BIRC6: variants seen among roughly 807,000 people sequenced by gnomAD.
The protein encoded by BIRC6 is baculoviral IAP repeat containing 6.
Under a neutral mutation model 503.3 loss-of-function variants are expected in BIRC6, and 98 were observed. The observed-to-expected ratio is 0.19, with a 90% CI of 0.17 to 0.23. BIRC6 has a LOEUF of 0.23. Among genes scored for constraint, BIRC6 ranks in the 10% least tolerant of loss-of-function variants. The pLI, the probability that BIRC6 is intolerant of heterozygous loss-of-function variation, is 1.00. For missense variants in BIRC6, 5,360 were observed against 5,806.0 expected (o/e 0.92, Z 2.50); for synonymous variants, 2,240 against 2,078.7 (o/e 1.08, Z -2.11).
chr2:32,527,290 T>C (rs968878632), intron 59 of BIRC6: 2 of 152,240 alleles, frequency 1.3e-5, no homozygotes, highest in African/African-American at 4.8e-5. Context: ...GACTGGATGA[T>C]GTAGGAGTTT....
At chr2:32,426,009 A>G (rs1369314430) in intron 10 of BIRC6, among the ~76,000 whole-genome samples, 1 of 152,162 alleles carries the variant, frequency 6.6e-6, no homozygotes, top group Non-Finnish European at 1.5e-5. Context: ...TTTATTGTAG[A>G]TATCCTGTTA....
chr2:32,507,809 C>A (rs1388287871), intron 50 of BIRC6, among the ~76,000 whole-genome samples, 171 bp from the exon 51 acceptor site: 20 of 152,130 alleles, frequency 1.3e-4, no homozygotes, highest in Admixed American at 1.3e-3. Context: ...ATAGCTCCAA[C>A]ATTAATTATG....
At chr2:32,438,175 A>G (rs1482812316) in intron 15 of BIRC6, among the ~76,000 whole-genome samples, 3 of 152,352 alleles carry the variant, frequency 2.0e-5, no homozygotes, top group South Asian at 4.1e-4. Context: ...ATATACTAAG[A>G]TATTTTTTTC....
At chr2:32,420,787 C>G (rs1204291690) in intron 10 of BIRC6, among the ~76,000 whole-genome samples, 1 of 152,136 alleles carries the variant, frequency 6.6e-6, no homozygotes, top group East Asian at 1.9e-4. Context: ...GCTGGGATTA[C>G]AGGTGTGAGC....
In BIRC6 at chr2:32,415,575, C is replaced by G; in HGVS notation, c.2284C>G (p.Gln762Glu). The G allele has an allele frequency of 6.2e-7, 1 of 1,613,890 alleles. No homozygotes were observed. Among genetic ancestry groups the G allele is most frequent in the Non-Finnish European group, 8.5e-7 (1 of 1,179,852 alleles). Reference protein sequence around the residue: ...CPVESLSAINQVEALNNLNKL... With the variant: ...CPVESLSAINEVEALNNLNKL... ...TGTTGAATCCTTGAGTGCAATAAAT[C>G]AAGTAGAGGCCTTGAATAATTTAAA... The change falls in exon 10 of 74, where the codon CAA (glutamine) becomes GAA (glutamate). Residue 762 changes from glutamine to glutamate, a missense_variant. Gln to Glu is a conservative substitution (Grantham distance 29, BLOSUM62 2). Around this residue, in one of 16 missense-constraint regions of BIRC6, gnomAD observed 700 missense variants for 739.3 expected, o/e 0.95. Coordinates refer to ENST00000421745, the MANE Select transcript of BIRC6 (RefSeq NM_016252.4).
intron 9 of BIRC6, among the ~76,000 whole-genome samples, chr2:32,411,972 GT>G (rs1489251392): frequency 2.0e-5 from 3 of 151,980 alleles, no homozygotes; most frequent in Non-Finnish European, 2.9e-5. Context: ...TGGAAACGGG[GT>G]TTTACTGTGT....
In BIRC6 at chr2:32,597,793, G is replaced by T; in HGVS notation, c.13655G>T (p.Gly4552Val). 9.9e-6 allele frequency: 16 copies of T among 1,613,568 alleles called. No individual in the cohort carries two copies. Among genetic ancestry groups the T allele is most frequent in the Non-Finnish European group, 1.4e-5 (16 of 1,179,606 alleles). ...TCTGAAGATGAAGATGGGAAATTGGGATTTAAAGTAAATTACCACTACATG... is the reference window on the plus strand; with the variant it reads ...TCTGAAGATGAAGATGGGAAATTGGTATTTAAAGTAAATTACCACTACATG... Reference protein sequence around the residue: ...MVSEDEDGKLGFKVNYHYMSQ... With the variant: ...MVSEDEDGKLVFKVNYHYMSQ... The change falls in exon 69 of 74, where the codon GGA becomes GTA. Residue 4552 changes from glycine (G) to valine (V), a missense_variant. Gly to Val is a moderately radical substitution (Grantham distance 109). Around this residue, in one of 16 missense-constraint regions of BIRC6, gnomAD observed 477 missense variants for 574.4 expected, o/e 0.83. Transcript: ENST00000421745.
chr2:32,369,927 A>T (rs1408289201), intron 1 of BIRC6, among the ~76,000 whole-genome samples: 1 of 11,384 alleles, frequency 8.8e-5, no homozygotes, highest in Admixed American at 1.7e-3. Context: ...CCTGTCTCTT[A>T]AAAAAAAAAA....
intron 65 of BIRC6, among the ~76,000 whole-genome samples, chr2:32,569,143 C>G (rs978709848): frequency 6.6e-6 from 1 of 151,926 alleles, no homozygotes; most frequent in Non-Finnish European, 1.5e-5. Context: ...ACACCCACAA[C>G]GAGGCCCAGG....
Position 32,415,308 on chromosome 2 carries a change from G to C in BIRC6, c.2017G>C (p.Asp673His), listed in dbSNP as rs2042277195. Residue 673 changes from aspartate (D) to histidine (H), a missense_variant, in exon 10 of 74, where the codon GAT becomes CAT. By Grantham distance (81) the Asp-to-His change is moderately conservative. Coordinates refer to ENST00000421745, the MANE Select transcript of BIRC6 (RefSeq NM_016252.4). ...TVPQIIEMEL[D>H]SQEQLLLQDP... ...TCCACAGATTATTGAAATGGAGCTG[G>C]ATAGTCAGGAGCAGTTGTTATTGCA... 13 of 1,614,038 alleles carry C rather than the reference G, an allele frequency of 8.1e-6. No individual in the cohort carries two copies. Among genetic ancestry groups the C allele is most frequent in the Non-Finnish European group, 1.1e-5 (13 of 1,179,890 alleles).
intron 65 of BIRC6, among the ~76,000 whole-genome samples, chr2:32,561,180 G>A (rs1319960645): frequency 2.7e-5 from 4 of 150,670 alleles, no homozygotes; most frequent in Non-Finnish European, 4.4e-5. Context: ...CCTGGGTGAC[G>A]GAGTGAGACT....
intron 21 of BIRC6, among the ~76,000 whole-genome samples, chr2:32,446,720 A>G (rs1242684434): frequency 7.5e-6 from 1 of 132,656 alleles, no homozygotes; most frequent in Non-Finnish European, 1.5e-5. Flanking sequence ...AAATCTAGTC[A>G]GCATCTCCCT....
chr2:32,365,134 T>G (rs2034705771), intron 1 of BIRC6, among the ~76,000 whole-genome samples: 1 of 152,150 alleles, frequency 6.6e-6, no homozygotes, highest in African/African-American at 2.4e-5. Context: ...CTGACTTTAG[T>G]GATATTAAGA....
intron 12 of BIRC6, among the ~76,000 whole-genome samples, chr2:32,433,004 G>A (rs1295112989): frequency 6.6e-6 from 1 of 152,066 alleles, no homozygotes; most frequent in Non-Finnish European, 1.5e-5. Context: ...GAAAAGAGTC[G>A]TTAGATTCTG....
Position 32,406,504 on chromosome 2 carries a change from A to G in BIRC6, c.1424A>G (p.Asp475Gly), listed in dbSNP as rs746171154. ...ACTTTGTTTTTTGATTTAAGTGATG[A>G]TTTACTGGAGGATTCAGACAGTGAA... ...DIPKLEGDSD[D>G]LLEDSDSEEH... The change falls in exon 9 of 74, where the codon GAT (aspartate) becomes GGT (glycine). Residue 475 changes from aspartate to glycine, a missense_variant. By Grantham distance (94) the Asp-to-Gly change is moderately conservative (BLOSUM62 -1). This residue lies in a region of BIRC6 where 700 missense variants were observed against 739.3 expected (regional missense o/e 0.95). Coordinates refer to ENST00000421745, the MANE Select transcript of BIRC6 (RefSeq NM_016252.4). 15 of 1,608,282 alleles carry G rather than the reference A, an allele frequency of 9.3e-6. No homozygotes were observed. The Admixed American group carries it at 2.0e-4, about 22-fold the overall frequency.
At chr2:32,566,954 A>T (rs759807317) in intron 65 of BIRC6, among the ~76,000 whole-genome samples, 11 of 152,152 alleles carry the variant, frequency 7.2e-5, no homozygotes, top group Admixed American at 7.2e-4. Context: ...GAATGAAGAC[A>T]TTACTCTTTT....
At chr2:32,531,059 G>A (rs945539394) in intron 60 of BIRC6, among the ~76,000 whole-genome samples, 11 of 152,160 alleles carry the variant, frequency 7.2e-5, no homozygotes, top group African/African-American at 2.7e-4. Flanking sequence ...GCTTACAAAT[G>A]ACCAGCATCA....
rs1000465228 is a variant in BIRC6, at chr2:32,514,972, A to G, written c.10569-18A>G. The G allele has an allele frequency of 5.1e-6, 8 of 1,563,100 alleles. No individual in the cohort carries two copies. The highest frequency in any genetic ancestry group is 2.7e-5 in the African/African-American group (2 of 73,424). On this transcript the variant is annotated intron_variant, in intron 54 of 73. Coordinates refer to ENST00000421745, the MANE Select transcript of BIRC6 (RefSeq NM_016252.4). ...AAAATATACTTGTATCATTAATATG[A>G]TATCTTTTATTTTTTAGGTTACTTT...
At chr2:32,592,741 A>G (rs902314008) in intron 66 of BIRC6, among the ~76,000 whole-genome samples, 1 of 152,108 alleles carries the variant, frequency 6.6e-6, no homozygotes, top group African/African-American at 2.4e-5. Flanking sequence ...GATTACAGGC[A>G]TGCGCCACCA....
Sources: gnomAD v4.1 joint callset for allele counts (sites outside exome capture counted in the v4.1 genomes callset) on GRCh38, gnomAD v4.1.1 for gene constraint, gnomAD v4.1.1 regional missense constraint, MANE v1.5 for transcripts, NCBI Gene and HGNC (gene_info 2026-07-23, HGNC 2026-07-21) for gene names.